The following TPH1 variants were observed in gnomAD, a reference collection of about 807,000 sequenced individuals.
TPH1 encodes tryptophan 5-hydroxylase 1.
A neutral mutation model predicts 49.5 loss-of-function variants in TPH1; 37 were observed. The observed-to-expected ratio is 0.75, with a 90% CI of 0.58 to 0.98. The LOEUF is 0.98. Ranked by LOEUF, TPH1 falls within the 50% of genes least tolerant of loss-of-function variation. The pLI is 0.00. For synonymous variants in TPH1, 160 were observed against 182.1 expected, an observed-to-expected ratio of 0.88 and a Z score of 0.98; for missense variants, 487 against 523.6, an observed-to-expected ratio of 0.93 and a Z score of 0.68.
rs1469565969 is a variant in TPH1, at chr11:18,036,054, T to C, written c.206A>G (p.Asn69Ser). Reference sequence around the variant, plus strand: ...AAAAATATCATTCAATTGTTCTCTGTTGATGTCACAGTCAACAAAAATCTC... The same window carrying C: ...AAAAATATCATTCAATTGTTCTCTGCTGATGTCACAGTCAACAAAAATCTC... ...EFEIFVDCDI[N>S]REQLNDIFHL... Residue 69 changes from asparagine (N) to serine (S), a missense_variant, in exon 3 of 11, where the codon AAC becomes AGC. Coordinates refer to ENST00000682019, the MANE Select transcript of TPH1 (RefSeq NM_004179.3). 3 of 1,613,086 alleles carry C rather than the reference T, an allele frequency of 1.9e-6. No individual in the cohort carries two copies. The highest frequency in any genetic ancestry group is 1.7e-5 in the Admixed American group (1 of 60,030).
At chr11:18,022,969 C>A in intron 9 of TPH1, 38 bp from the exon 10 acceptor site, 2 of 1,609,016 alleles carry the variant, frequency 1.2e-6, no homozygotes, top group Non-Finnish European at 1.7e-6. Context: ...AGAATAATAT[C>A]TATTTTTCAT....
At chr11:18,029,015 G>A in intron 6 of TPH1, 150 bp downstream of exon 6, 1 of 611,558 alleles carries the variant, frequency 1.6e-6, no homozygotes, top group Non-Finnish European at 2.8e-6. Flanking sequence ...CAGTGACAGA[G>A]GCTGCAGTGA....
chr11:18,045,318 G>C (rs2134037706), intron 1 of TPH1, among the ~76,000 whole-genome samples: 1 of 152,290 alleles, frequency 6.6e-6, no homozygotes, highest in Middle Eastern at 3.4e-3. Context: ...ATGAAAAACA[G>C]TATTCTAGGA....
rs57335932 is a variant in TPH1 at position 18,026,393 on chromosome 11, C to CAAAAAAAAAA, written c.803+87_803+96dup. 8.5e-5 allele frequency: 50 copies of CAAAAAAAAAA among 588,752 alleles called. 10 individuals carry two copies. The highest frequency in any genetic ancestry group is 2.8e-4 in the African/African-American group (8 of 28,902). The allele number at this position is 588,752 out of a possible 1,614,324, so 36.5% of individuals were successfully genotyped here. A position where few individuals can be genotyped will look rare whatever the true frequency, so the allele number is the denominator to read the frequency against. ...GCTAATTTATTTAATCCTCGCACAC[C>CAAAAAAAAAA]AAAAAAAAAAAAAAAAAAAAAAAAG... On this transcript the variant is annotated intron_variant, in intron 7 of 10. Transcript: ENST00000682019.
intron 2 of TPH1, among the ~76,000 whole-genome samples, chr11:18,036,627 G>T (rs1042989973): frequency 6.6e-6 from 1 of 152,160 alleles, no homozygotes; most frequent in Non-Finnish European, 1.5e-5. Context: ...AGCTGAACCA[G>T]ATCTCCTCTT....
At chr11:18,024,334 T>C (rs1292595325) in intron 8 of TPH1, among the ~76,000 whole-genome samples, 2 of 152,242 alleles carry the variant, frequency 1.3e-5, no homozygotes, top group Admixed American at 1.3e-4. Flanking sequence ...AAGAATGTTT[T>C]AATACAAATA....
intron 1 of TPH1, 71 bp from the exon 2 acceptor site, chr11:18,040,859 G>A: frequency 7.1e-7 from 1 of 1,414,168 alleles, no homozygotes; most frequent in Admixed American, 1.9e-5. Flanking sequence ...TGATAACTAA[G>A]GGCTCATTTA....
intron 1 of TPH1, among the ~76,000 whole-genome samples, chr11:18,045,993 A>C (rs1020268405): frequency 6.6e-6 from 1 of 152,208 alleles, no homozygotes; most frequent in African/African-American, 2.4e-5. Flanking sequence ...GTGAAATCTC[A>C]TGATGGCTAA....
At chr11:18,044,387 A>G (rs1590269959) in intron 1 of TPH1, among the ~76,000 whole-genome samples, 1 of 152,174 alleles carries the variant, frequency 6.6e-6, no homozygotes, top group Middle Eastern at 3.4e-3. Flanking sequence ...ACGCCACTGC[A>G]CTCCAGCCCA....
chr11:18,034,311 ACAGAGGACTAGAACTCAGCT>A, intron 3 of TPH1, among the ~76,000 whole-genome samples: 1 of 152,354 alleles, frequency 6.6e-6, no homozygotes, highest in South Asian at 2.1e-4. Context: ...CTTTTGGAAT[ACAGAGGACTAGAACTCAGCT>A]CTTCTTGCCC....
chr11:18,033,777 G>T (rs1015815823), intron 3 of TPH1, among the ~76,000 whole-genome samples: 2 of 152,156 alleles, frequency 1.3e-5, no homozygotes, highest in African/African-American at 4.8e-5. Flanking sequence ...AAAGATCTTA[G>T]AAATCATTTG....
Position 18,022,335 on chromosome 11 carries a change from GCTAA to G in TPH1, c.1160+459_1160+462del, listed in dbSNP as rs748179149. 3.9e-5 allele frequency among the ~76,000 whole-genome samples: 6 copies of G among 152,110 alleles called. 1 individual carries two copies. The highest frequency in any genetic ancestry group is 6.5e-5 in the Admixed American group (1 of 15,282). ...TCTCAACATCCTGACCTTTTTTCAT[GCTAA>G]CTCTCAGTCTAAAACTTAATATATC... On this transcript the variant is annotated intron_variant, in intron 10 of 10. Coordinates refer to ENST00000682019, the MANE Select transcript of TPH1 (RefSeq NM_004179.3).
rs1847960478 is a variant in TPH1, at chr11:18,029,336, A to C, written c.496T>G (p.Phe166Val). 6.2e-7 allele frequency: 1 copy of C among 1,613,960 alleles called. No homozygotes were observed. Among genetic ancestry groups the C allele is most frequent in the African/African-American group, 1.3e-5 (1 of 74,922 alleles). Reference protein sequence around the residue: ...KHGDPIPKVEFTEEEIKTWGT... With the variant: ...KHGDPIPKVEVTEEEIKTWGT... ...CAGGTCTTAATCTCCTCTTCAGTGA[A>C]TTCAACCTTTGGAATGGGGTCTCCA... The change falls in exon 6 of 11, where the codon TTC becomes GTC. Residue 166 changes from phenylalanine (F) to valine (V), a missense_variant. Phe to Val is a conservative substitution (Grantham distance 50). Transcript: ENST00000682019.
chr11:18,036,220 C>T (rs2134032749), intron 2 of TPH1, 78 bp from the exon 3 acceptor site: 1 of 1,095,946 alleles, frequency 9.1e-7, no homozygotes. Context: ...CTTTAATTAC[C>T]ACTAAAAATC....
intron 1 of TPH1, among the ~76,000 whole-genome samples, chr11:18,045,474 A>ACC (rs397778346): frequency 0.048 from 3,172 of 65,462 alleles, 127 homozygotes; most frequent in African/African-American, 0.14. Flanking sequence ...TTAGAATTCC[A>ACC]CCCCCCCCTT....
Position 18,020,931 on chromosome 11 carries a change from G to C in TPH1, c.*60C>G. ...CTCCAGGATCAGGTGTTCAAGGAAA[G>C]CAAGAGATGGCCCAGACCTCCGAAT... On this transcript the variant is annotated 3_prime_UTR_variant, in exon 11 of 11. Transcript: ENST00000682019. 1 of 1,543,936 alleles carries C rather than the reference G, an allele frequency of 6.5e-7. No homozygotes were observed. Among genetic ancestry groups the C allele is most frequent in the Non-Finnish European group, 9.0e-7 (1 of 1,116,478 alleles).
At chr11:18,038,385 G>A (rs1848066508) in intron 2 of TPH1, among the ~76,000 whole-genome samples, 1 of 152,138 alleles carries the variant, frequency 6.6e-6, no homozygotes, top group Non-Finnish European at 1.5e-5. Context: ...GCGTGCATAG[G>A]TCTTAAAAAC....
At chr11:18,029,393 A>G (rs1847961537) in intron 5 of TPH1, 32 bp from the exon 6 acceptor site, 2 of 1,599,322 alleles carry the variant, frequency 1.3e-6, no homozygotes, top group African/African-American at 2.7e-5. Flanking sequence ...GTTGTTTTGA[A>G]TTAGCATTTA....
At chr11:18,033,727 T>G (rs1055294672) in intron 3 of TPH1, among the ~76,000 whole-genome samples, 4 of 152,196 alleles carry the variant, frequency 2.6e-5, no homozygotes, top group Admixed American at 2.6e-4. Context: ...CAGACCAAGG[T>G]ACAAACTTAA....
Sources: gnomAD v4.1 joint callset for allele counts (sites outside exome capture counted in the v4.1 genomes callset) on GRCh38, gnomAD v4.1.1 for gene constraint, MANE v1.5 for transcripts, NCBI Gene and HGNC (gene_info 2026-07-23, HGNC 2026-07-21) for gene names.